Variants in CNTNAP4 observed in about 807,000 individuals in gnomAD.
The protein encoded by CNTNAP4 is contactin-associated protein-like 4.
In CNTNAP4, 98 loss-of-function variants were observed where a neutral mutation model predicts 148.4. That is an observed-to-expected ratio of 0.66 (90% CI 0.56 to 0.78). The LOEUF is 0.78. Ranked by LOEUF, CNTNAP4 falls within the 30% of genes least tolerant of loss-of-function variation. CNTNAP4 has a pLI of 0.00. For synonymous variants in CNTNAP4, 730 were observed against 565.1 expected (o/e 1.29, Z -4.14); for missense variants, 1,935 against 1,565.6 (o/e 1.24, Z -3.98).
chr16:76,457,124 A>G (rs182744853), intron 8 of CNTNAP4, among the ~76,000 whole-genome samples: 8 of 152,344 alleles, frequency 5.3e-5, no homozygotes, highest in Non-Finnish European at 1.0e-4. Context: ...AAGAAAACAA[A>G]TTCAAATTCT....
chr16:76,342,098 C>G (rs1043829189), intron 2 of CNTNAP4, among the ~76,000 whole-genome samples: 1 of 152,158 alleles, frequency 6.6e-6, no homozygotes, highest in Non-Finnish European at 1.5e-5. Context: ...GTTTTGAAAG[C>G]ATCATCCCTC....
intron 1 of CNTNAP4, among the ~76,000 whole-genome samples, chr16:76,281,709 G>A (rs943183125): frequency 6.6e-6 from 1 of 151,842 alleles, no homozygotes; most frequent in Non-Finnish European, 1.5e-5. Context: ...TTTAACTCAG[G>A]TTGGTAAACT....
At chr16:76,320,093 G>T (rs947323655) in intron 2 of CNTNAP4, among the ~76,000 whole-genome samples, 3 of 152,186 alleles carry the variant, frequency 2.0e-5, no homozygotes, top group African/African-American at 7.2e-5. Flanking sequence ...AAGACCGTTG[G>T]TGTAAATACA....
chr16:76,312,535 C>T (rs1007852351), intron 1 of CNTNAP4, among the ~76,000 whole-genome samples: 1 of 152,098 alleles, frequency 6.6e-6, no homozygotes, highest in Non-Finnish European at 1.5e-5. Flanking sequence ...TTGAGGTTCT[C>T]TTCCTCTCTT....
chr16:76,520,865 T>G (rs2083425638), intron 15 of CNTNAP4, among the ~76,000 whole-genome samples: 1 of 152,158 alleles, frequency 6.6e-6, no homozygotes, highest in Admixed American at 6.5e-5. Flanking sequence ...CTGAGGATAT[T>G]TGTTCCGTAT....
At chr16:76,438,792 A>G (rs1039302398) in intron 4 of CNTNAP4, among the ~76,000 whole-genome samples, 2 of 152,072 alleles carry the variant, frequency 1.3e-5, no homozygotes, top group African/African-American at 4.8e-5. Context: ...TTACCTACTC[A>G]GCTTAAATAG....
intron 5 of CNTNAP4, among the ~76,000 whole-genome samples, chr16:76,448,424 G>C (rs145560950): frequency 6.6e-6 from 1 of 152,104 alleles, no homozygotes; most frequent in Non-Finnish European, 1.5e-5. Context: ...ACATAGTGCT[G>C]ATAGAACCAT....
intron 10 of CNTNAP4, among the ~76,000 whole-genome samples, chr16:76,471,534 C>A (rs1012762089): frequency 2.6e-5 from 4 of 152,074 alleles, no homozygotes; most frequent in Non-Finnish European, 5.9e-5. Context: ...TTCCAATCCA[C>A]CCCTACTATC....
chr16:76,516,388 T>C (rs1289444911), intron 15 of CNTNAP4, among the ~76,000 whole-genome samples: 1 of 152,216 alleles, frequency 6.6e-6, no homozygotes, highest in Non-Finnish European at 1.5e-5. Flanking sequence ...TTGTAAATAG[T>C]GCTGCAATAA....
intron 15 of CNTNAP4, among the ~76,000 whole-genome samples, chr16:76,520,849 T>C (rs1164268306): frequency 6.6e-6 from 1 of 152,190 alleles, no homozygotes; most frequent in Non-Finnish European, 1.5e-5. Context: ...GGATATACTA[T>C]TGAGGCTGAG....
At chr16:76,525,497 A>G (rs529193449) in intron 17 of CNTNAP4, among the ~76,000 whole-genome samples, 1 of 148,032 alleles carries the variant, frequency 6.8e-6, no homozygotes, top group Non-Finnish European at 1.5e-5. Context: ...AACTATATAT[A>G]GTTTTTATAG....
At position 76,452,738 on chromosome 16, in the gene CNTNAP4, G is replaced by A. The variant is rs991667764; in HGVS notation, c.1302G>A (p.Gln434=). The A allele has an allele frequency of 6.2e-7, 1 of 1,601,144 alleles. No individual in the cohort carries two copies. Among genetic ancestry groups the A allele is most frequent in the Non-Finnish European group, 8.5e-7 (1 of 1,172,964 alleles). ...SDGKLKSNLY[Q]PGKLPSDITA... The stretch of plus-strand genomic sequence containing the variant: ...GAAAACTTAAGTCGAATCTCTACCA[G>A]CCAGGAAAATTACCCAGTGACATCA... Residue 434 remains glutamine (Q), a synonymous_variant, in exon 8 of 24, where the codon CAG becomes CAA. Coordinates refer to ENST00000611870, the MANE Select transcript of CNTNAP4 (RefSeq NM_033401.5).
chr16:76,514,755 G>A (rs1311017182), intron 15 of CNTNAP4, among the ~76,000 whole-genome samples: 3 of 112,670 alleles, frequency 2.7e-5, no homozygotes, highest in African/African-American at 7.7e-5. Context: ...TAATAGATGT[G>A]CTAAAAAGAG....
intron 23 of CNTNAP4, among the ~76,000 whole-genome samples, chr16:76,556,054 G>A (rs371790945): frequency 2.3e-4 from 35 of 152,258 alleles, no homozygotes; most frequent in South Asian, 2.1e-3. Context: ...CACCCACTAT[G>A]TAATAATAAT....
chr16:76,438,440 G>C (rs2079914933), intron 4 of CNTNAP4, among the ~76,000 whole-genome samples: 1 of 152,124 alleles, frequency 6.6e-6, no homozygotes, highest in African/African-American at 2.4e-5. Flanking sequence ...AAGGTAATCT[G>C]TCACAGGAAT....
At chr16:76,447,915 T>C (rs2080309265) in intron 4 of CNTNAP4, 97 bp from the exon 5 acceptor site, 1 of 804,386 alleles carries the variant, frequency 1.2e-6, no homozygotes, top group Admixed American at 2.2e-5. Context: ...TGTGTATGAG[T>C]ACGTATACTG....
chr16:76,519,376 A>G (rs775207688), intron 15 of CNTNAP4, among the ~76,000 whole-genome samples: 13 of 152,180 alleles, frequency 8.5e-5, no homozygotes, highest in Admixed American at 7.9e-4. Flanking sequence ...AGCCTTCTAT[A>G]TGATGCTTTA....
At chr16:76,473,628 G>A (rs965926216) in intron 10 of CNTNAP4, among the ~76,000 whole-genome samples, 11 of 151,974 alleles carry the variant, frequency 7.2e-5, no homozygotes, top group African/African-American at 2.7e-4. Flanking sequence ...CAAAAAATTA[G>A]CCAAGCGTGG....
At chr16:76,393,721 G>C (rs1464449177) in intron 3 of CNTNAP4, among the ~76,000 whole-genome samples, 1 of 152,086 alleles carries the variant, frequency 6.6e-6, no homozygotes, top group East Asian at 1.9e-4. Context: ...CCATTGTGGG[G>C]CAGAGGGTAT....
Sources: gnomAD v4.1 joint callset for allele counts (sites outside exome capture counted in the v4.1 genomes callset) on GRCh38, gnomAD v4.1.1 for gene constraint, MANE v1.5 for transcripts, NCBI Gene and HGNC (gene_info 2026-07-23, HGNC 2026-07-21) for gene names.